The following ACER2 variants were observed in gnomAD, a reference collection of about 807,000 sequenced individuals.
ACER2 encodes alkaline ceramidase 2, also known as alkCDase 2.
Under a neutral mutation model 34.7 loss-of-function variants are expected in ACER2, and 26 were observed. That is an observed-to-expected ratio of 0.75 (90% CI 0.55 to 1.04). The LOEUF (loss-of-function observed/expected upper bound fraction) is 1.04, where lower values mean the gene tolerates loss of function less well. ACER2 is among the 50% of genes least tolerant of loss of function. ACER2 has a pLI of 0.00. For missense variants in ACER2, 352 were observed against 340.8 expected (o/e 1.03, Z -0.26); for synonymous variants, 138 against 132.1 (o/e 1.04, Z -0.31).
chr9:19,437,500 C>T (rs1334480206), intron 4 of ACER2, among the ~76,000 whole-genome samples: 2 of 152,138 alleles, frequency 1.3e-5, no homozygotes, highest in African/African-American at 4.8e-5. Context: ...ATTGCATTTG[C>T]TTTCTAACCA....
chr9:19,422,067 T>A (rs1022966003), intron 1 of ACER2, among the ~76,000 whole-genome samples: 1 of 151,278 alleles, frequency 6.6e-6, no homozygotes, highest in Non-Finnish European at 1.5e-5. Flanking sequence ...GAGGATTGCT[T>A]GAGGCCAGCA....
chr9:19,410,365 G>A (rs1334707416), intron 1 of ACER2, among the ~76,000 whole-genome samples: 1 of 152,156 alleles, frequency 6.6e-6, no homozygotes, highest in Non-Finnish European at 1.5e-5. Flanking sequence ...TCCATGGCTG[G>A]CTTCCACACA....
chr9:19,441,177 G>A (rs1022640372), intron 4 of ACER2, among the ~76,000 whole-genome samples: 1 of 151,434 alleles, frequency 6.6e-6, no homozygotes, highest in Non-Finnish European at 1.5e-5. Context: ...AGCCTCCCAA[G>A]TAGCTGGGAC....
intron 5 of ACER2, among the ~76,000 whole-genome samples, chr9:19,448,892 G>A (rs1180760382): frequency 1.3e-5 from 2 of 152,154 alleles, no homozygotes; most frequent in Non-Finnish European, 2.9e-5. Context: ...CGTAATCTCA[G>A]CACTTTGGGA....
chr9:19,427,444 G>A (rs1240673395), intron 3 of ACER2, among the ~76,000 whole-genome samples: 1 of 152,176 alleles, frequency 6.6e-6, no homozygotes, highest in Non-Finnish European at 1.5e-5. Context: ...AAGCCCCTTT[G>A]CTTGTACTTC....
intron 4 of ACER2, among the ~76,000 whole-genome samples, chr9:19,442,827 C>A (rs1002200844): frequency 1.3e-5 from 2 of 150,280 alleles, no homozygotes; most frequent in Admixed American, 1.3e-4. Flanking sequence ...AATTTGGTGC[C>A]CAATAAATAC....
intron 4 of ACER2, among the ~76,000 whole-genome samples, chr9:19,442,872 G>T (rs528294803): frequency 6.7e-6 from 1 of 149,598 alleles, no homozygotes; most frequent in Non-Finnish European, 1.5e-5. Context: ...TCGCTCTGTC[G>T]CCCAGGCTGG....
intron 1 of ACER2, among the ~76,000 whole-genome samples, chr9:19,422,789 G>T (rs1830444022): frequency 6.6e-6 from 1 of 151,716 alleles, no homozygotes; most frequent in Non-Finnish European, 1.5e-5. Flanking sequence ...CCAGAACTTT[G>T]GGAGGCCTGA....
chr9:19,450,425 T>A, intron 5 of ACER2, 25 bp from the exon 6 acceptor site: 1 of 1,564,952 alleles, frequency 6.4e-7, no homozygotes, highest in Non-Finnish European at 8.7e-7. Flanking sequence ...CTCATCAGGT[T>A]CTCACCTCTT....
chr9:19,437,883 C>T (rs1255535333), intron 4 of ACER2, among the ~76,000 whole-genome samples: 2 of 152,216 alleles, frequency 1.3e-5, no homozygotes, highest in African/African-American at 2.4e-5. Flanking sequence ...AGCGCATTCT[C>T]TCTTAAATAT....
chr9:19,428,074 TTTCCTTCTC>T (rs1236346499), intron 3 of ACER2, among the ~76,000 whole-genome samples: 3 of 142,336 alleles, frequency 2.1e-5, no homozygotes, highest in Non-Finnish European at 4.6e-5. Context: ...TTTCCTTTCC[TTTCCTTCTC>T]TCTCTCTCTC....
intron 4 of ACER2, among the ~76,000 whole-genome samples, chr9:19,439,359 G>C: frequency 9.7e-6 from 1 of 102,666 alleles, no homozygotes; most frequent in Admixed American, 9.1e-5. Flanking sequence ...TTTTTTTTTG[G>C]AGACGTAGTC....
chr9:19,433,751 C>A (rs1370706338), intron 3 of ACER2, among the ~76,000 whole-genome samples: 1 of 151,972 alleles, frequency 6.6e-6, no homozygotes, highest in South Asian at 2.1e-4. Flanking sequence ...GCACCCCTCA[C>A]CTCCCGGATG....
At chr9:19,444,264 T>G (rs1349150124) in intron 4 of ACER2, among the ~76,000 whole-genome samples, 2 of 146,580 alleles carry the variant, frequency 1.4e-5, no homozygotes, top group Non-Finnish European at 3.0e-5. Context: ...TGGGCTGGAG[T>G]GCAGTGGCGC....
chr9:19,432,002 A>G (rs1379979059), intron 3 of ACER2, among the ~76,000 whole-genome samples: 1 of 152,224 alleles, frequency 6.6e-6, no homozygotes, highest in Admixed American at 6.5e-5. Context: ...GAAGTCATGA[A>G]TGAGGCCTTG....
intron 4 of ACER2, among the ~76,000 whole-genome samples, chr9:19,437,544 G>A: frequency 6.6e-6 from 1 of 152,100 alleles, no homozygotes; most frequent in Non-Finnish European, 1.5e-5. Flanking sequence ...CTTTCAGACT[G>A]TTACTCCCTT....
chr9:19,434,342 A>G (rs1433929541), intron 3 of ACER2, among the ~76,000 whole-genome samples: 3 of 151,996 alleles, frequency 2.0e-5, no homozygotes, highest in South Asian at 4.2e-4. Flanking sequence ...CCGGCCAGGC[A>G]GAGACGCTCC....
chr9:19,433,365 C>G (rs1376293179), intron 3 of ACER2, among the ~76,000 whole-genome samples: 1 of 151,900 alleles, frequency 6.6e-6, no homozygotes, highest in African/African-American at 2.4e-5. Flanking sequence ...TCTTAATGAG[C>G]ATGCTGCCTT....
Position 19,429,589 on chromosome 9 carries a change from C to T in ACER2, c.365+4748C>T, listed in dbSNP as rs535658974. ...TCAAGAGATACTCCCACCTTGGCCT[C>T]CCAAAGTTCTGGGATAACAGGCATG... On this transcript the variant is annotated intron_variant, in intron 3 of 5. Coordinates refer to ENST00000340967, the MANE Select transcript of ACER2 (RefSeq NM_001010887.3). Among the ~76,000 whole-genome samples the T allele has an allele frequency of 2.6e-5, 4 of 152,332 alleles. No individual in the cohort carries two copies. In the South Asian group the frequency reaches 8.3e-4, roughly 32 times the overall value.
Sources: gnomAD v4.1 joint callset for allele counts (sites outside exome capture counted in the v4.1 genomes callset) on GRCh38, gnomAD v4.1.1 for gene constraint, MANE v1.5 for transcripts, NCBI Gene and HGNC (gene_info 2026-07-23, HGNC 2026-07-21) for gene names.